Variants in PKD1L3 observed in about 807,000 individuals in gnomAD.
The protein encoded by PKD1L3 is polycystin-1-like protein 3.
Under a neutral mutation model 184.1 loss-of-function variants are expected in PKD1L3, and 239 were observed. That is an observed-to-expected ratio of 1.30 (90% CI 1.17 to 1.45). PKD1L3 has a LOEUF of 1.45. Ranked by LOEUF, PKD1L3 falls within the 40% of genes most tolerant of loss-of-function variation. The probability of loss-of-function intolerance (pLI) is 0.00; values close to 1 mark genes in which losing one functional copy is unlikely to be tolerated. For missense variants in PKD1L3, 2,660 were observed against 2,067.2 expected (o/e 1.29, Z -5.56); for synonymous variants, 996 against 778.8 (o/e 1.28, Z -4.64).
At chr16:71,947,617 G>A (rs776188910) in intron 21 of PKD1L3, 26 bp from the exon 22 acceptor site, 58 of 1,429,856 alleles carry the variant, frequency 4.1e-5, no homozygotes, top group Non-Finnish European at 4.5e-5. Flanking sequence ...ACAGAACATC[G>A]TGAGCAGACA....
chr16:71,944,579 A>G (rs2038488371), intron 22 of PKD1L3, among the ~76,000 whole-genome samples: 1 of 152,112 alleles, frequency 6.6e-6, no homozygotes, highest in African/African-American at 2.4e-5. Flanking sequence ...GCTACTAGGG[A>G]GACTGAGGTG....
chr16:71,973,784 T>A (rs2039811944), intron 11 of PKD1L3, among the ~76,000 whole-genome samples: 1 of 152,048 alleles, frequency 6.6e-6, no homozygotes, highest in Admixed American at 6.6e-5. Context: ...GGCGGATCAC[T>A]TGAGGTCAGG....
Position 71,967,988 on chromosome 16 carries a change from G to A in PKD1L3, c.2204C>T (p.Ala735Val). Residue 735 changes from alanine to valine, a missense_variant, in exon 14 of 30, where the codon GCT becomes GTT. Ala to Val is a moderately conservative substitution (Grantham distance 64). Coordinates refer to ENST00000620267, the MANE Select transcript of PKD1L3 (RefSeq NM_181536.2). ...AAATTGAGCGCTGGGGTCATTATCA[G>A]CCAGGACAGTGACCTTCACCTGCAA... Reference protein sequence around the residue: ...DMQKVKVTVLADNDPSAQFHY... With the variant: ...DMQKVKVTVLVDNDPSAQFHY... 6.4e-7 allele frequency: 1 copy of A among 1,551,406 alleles called. No individual in the cohort carries two copies. The highest frequency in any genetic ancestry group is 1.4e-5 in the African/African-American group (1 of 73,168).
intron 16 of PKD1L3, among the ~76,000 whole-genome samples, chr16:71,959,820 TA>T (rs1054121205): frequency 4.9e-4 from 74 of 151,688 alleles, no homozygotes; most frequent in Admixed American, 4.8e-3. Flanking sequence ...CAGCAAAGAT[TA>T]AAAATACAAG....
intron 26 of PKD1L3, among the ~76,000 whole-genome samples, chr16:71,935,008 A>G (rs193176439): frequency 6.6e-5 from 10 of 152,352 alleles, no homozygotes; most frequent in Non-Finnish European, 1.2e-4. Context: ...AAAGGATGGG[A>G]CTATGTGTTG....
intron 4 of PKD1L3, 34 bp from the exon 5 acceptor site, chr16:71,986,503 A>C: frequency 6.5e-7 from 1 of 1,530,238 alleles, no homozygotes; most frequent in African/African-American, 1.4e-5. Flanking sequence ...GAAAAGACTG[A>C]ATCTGATTTT....
At chr16:71,969,788 C>A in intron 13 of PKD1L3, 87 bp downstream of exon 13, 1 of 1,214,142 alleles carries the variant, frequency 8.2e-7, no homozygotes, top group Non-Finnish European at 1.1e-6. Context: ...AGGCTTCCTG[C>A]TGCTTTTGAC....
chr16:71,949,829 A>T lies in PKD1L3; in HGVS notation c.3572T>A (p.Ile1191Asn), dbSNP rs1461905017. ...KDQATSWMIS[I>N]ILSVLQNIFI... ...GATGTTCTGAAGCACTGATAAAATAATTGAAATCATCCAGCTGGTGGCTTG... is the reference window on the plus strand; with the variant it reads ...GATGTTCTGAAGCACTGATAAAATATTTGAAATCATCCAGCTGGTGGCTTG... Residue 1191 changes from isoleucine (I) to asparagine (N), a missense_variant, in exon 21 of 30, where the codon ATT becomes AAT. Ile to Asn is a moderately radical substitution (Grantham distance 149). Coordinates refer to ENST00000620267, the MANE Select transcript of PKD1L3 (RefSeq NM_181536.2). The T allele has an allele frequency of 1.3e-6, 2 of 1,551,462 alleles. No homozygotes were observed. Among genetic ancestry groups the T allele is most frequent in the Non-Finnish European group, 1.7e-6 (2 of 1,146,978 alleles).
chr16:71,934,225 G>T, intron 26 of PKD1L3, 100 bp from the exon 27 acceptor site: 2 of 1,107,494 alleles, frequency 1.8e-6, no homozygotes, highest in Non-Finnish European at 2.6e-6. Context: ...CCTGAGTCCT[G>T]TGAGGTCAAA....
intron 23 of PKD1L3, among the ~76,000 whole-genome samples, chr16:71,943,478 C>G (rs892302488): frequency 3.8e-5 from 5 of 132,094 alleles, no homozygotes; most frequent in African/African-American, 1.4e-4. Flanking sequence ...GCACAGGATG[C>G]AGTGAGCTGA....
rs202221918 is a variant in PKD1L3 at position 71,977,384 on chromosome 16, G to A, written c.1611C>T (p.Asn537=). The A allele has an allele frequency of 2.6e-5, 40 of 1,551,318 alleles. No individual in the cohort carries two copies. The highest frequency in any genetic ancestry group is 7.8e-5 in the Admixed American group (4 of 50,998). The change falls in exon 11 of 30, where the codon AAC becomes AAT. Residue 537 remains asparagine (N), a synonymous_variant. Transcript: ENST00000620267. ...TCAAGGATTTCTCCAAGGAAGTGACGTTCACTGTGATTGTAAGCTGATGTG... is the reference window on the plus strand; with the variant it reads ...TCAAGGATTTCTCCAAGGAAGTGACATTCACTGTGATTGTAAGCTGATGTG... ...MSTHQLTITV[N]VTSLEKSLIV...
intron 7 of PKD1L3, among the ~76,000 whole-genome samples, chr16:71,980,479 G>C (rs984281044): frequency 6.6e-6 from 1 of 152,192 alleles, no homozygotes; most frequent in East Asian, 1.9e-4. Context: ...ACGTTTTTTA[G>C]TATATTCACA....
chr16:71,937,367 T>C lies in PKD1L3; in HGVS notation c.4377A>G (p.Ser1459=). ...TGATAGACCAGACACAGCCCTTCTT[T>C]GACATCTGAAGGGAAGTGAAGCTTT... The part of the protein sequence containing the change: ...RLESFTSLQM[S]KKGCVWSIIS... Residue 1459 remains serine (S), a synonymous_variant, in exon 25 of 30, where the codon TCA becomes TCG. Coordinates refer to ENST00000620267, the MANE Select transcript of PKD1L3 (RefSeq NM_181536.2). 3 of 1,551,498 alleles carry C rather than the reference T, an allele frequency of 1.9e-6. No individual in the cohort carries two copies. Among genetic ancestry groups the C allele is most frequent in the Non-Finnish European group, 2.6e-6 (3 of 1,146,778 alleles).
intron 6 of PKD1L3, 111 bp from the exon 7 acceptor site, chr16:71,982,346 C>A (rs190869506): frequency 4.3e-6 from 4 of 936,868 alleles, no homozygotes; most frequent in Admixed American, 8.1e-5. Context: ...AGTGCAATGG[C>A]GTGATATCGA....
chr16:71,973,862 T>C (rs2039815476), intron 11 of PKD1L3, among the ~76,000 whole-genome samples: 1 of 151,662 alleles, frequency 6.6e-6, no homozygotes, highest in African/African-American at 2.4e-5. Context: ...ATTAGTGGGG[T>C]GTGGTGATGT....
Position 71,942,680 on chromosome 16 carries a change from G to A in PKD1L3, c.4204C>T (p.Leu1402Phe). The A allele has an allele frequency of 6.4e-7, 1 of 1,551,706 alleles. No homozygotes were observed. The highest frequency in any genetic ancestry group is 8.7e-7 in the Non-Finnish European group (1 of 1,146,996). ...CGRPKSLFPGLHLRRFSYICS... is the reference protein window; with the variant it reads ...CGRPKSLFPGFHLRRFSYICS... The stretch of plus-strand genomic sequence containing the variant: ...ATGTAACTGAACCTCCTTAGATGAA[G>A]TCCAGGGAATAGGCTCTTGGGACGC... Residue 1402 changes from leucine to phenylalanine, a missense_variant, in exon 24 of 30, where the codon CTT (leucine) becomes TTT (phenylalanine). By Grantham distance (22) the Leu-to-Phe change is conservative. Coordinates refer to ENST00000620267, the MANE Select transcript of PKD1L3 (RefSeq NM_181536.2).
chr16:71,984,858 C>CA lies in PKD1L3; in HGVS notation c.835-692dup, dbSNP rs534774139. Among the ~76,000 whole-genome samples, 441 of 151,876 alleles carry CA rather than the reference C, an allele frequency of 2.9e-3. 1 individual carries two copies. The highest frequency in any genetic ancestry group is 3.9e-3 in the Non-Finnish European group (264 of 67,934). ...TGGGCGACAGATCGAGAATCTGTCT[C>CA]AAAAAAAGAGTCCATATTCAAGAGG... is the stretch of plus-strand genomic sequence containing the variant. On this transcript the variant is annotated intron_variant, in intron 5 of 29. Coordinates refer to ENST00000620267, the MANE Select transcript of PKD1L3 (RefSeq NM_181536.2).
chr16:71,979,443 CAACAAAACAA>C lies in PKD1L3; in HGVS notation c.1398+333_1398+342del, dbSNP rs71391429. Among the ~76,000 whole-genome samples, 4 of 149,978 alleles carry C rather than the reference CAACAAAACAA, an allele frequency of 2.7e-5. No individual in the cohort carries two copies. In the East Asian group the frequency reaches 5.8e-4, roughly 22 times the overall value. On this transcript the variant is annotated intron_variant, in intron 9 of 29. Coordinates refer to ENST00000620267, the MANE Select transcript of PKD1L3 (RefSeq NM_181536.2). ...TGGGTGACAGATTGAGACTCCATCTCAACAAAACAAAACAAAACAAAACAAGACAAAACAA... is the reference window on the plus strand; with the variant it reads ...TGGGTGACAGATTGAGACTCCATCTCAACAAAACAAAACAAGACAAAACAA...
At chr16:71,975,044 T>G (rs2039867003) in intron 11 of PKD1L3, among the ~76,000 whole-genome samples, 1 of 152,118 alleles carries the variant, frequency 6.6e-6, no homozygotes. Flanking sequence ...CTGGGCACTA[T>G]TTATATATAT....
Sources: allele counts gnomAD v4.1 joint callset (sites outside exome capture counted in the v4.1 genomes callset), GRCh38; gene constraint gnomAD v4.1.1; transcripts MANE v1.5; gene names NCBI Gene and HGNC (gene_info 2026-07-23, HGNC 2026-07-21).